LOC128462377: variants seen among roughly 807,000 people sequenced by gnomAD.
chr16:89,397,969 A>G, the LOC128462377 span, among the ~76,000 whole-genome samples: 6 of 152,396 alleles, frequency 3.9e-5, no homozygotes, highest in South Asian at 1.0e-3. Flanking sequence ...AATCGGTGCA[A>G]TATTCACCCA....
the LOC128462377 span, among the ~76,000 whole-genome samples, chr16:89,327,320 C>T: frequency 7.9e-5 from 12 of 152,078 alleles, no homozygotes; most frequent in African/African-American, 1.4e-4. Context: ...ATCCTCAACA[C>T]GATAAAGGCC....
the LOC128462377 span, among the ~76,000 whole-genome samples, chr16:89,394,535 G>T: frequency 2.0e-5 from 3 of 152,038 alleles, no homozygotes; most frequent in Non-Finnish European, 4.4e-5. Flanking sequence ...GGCTGAGGCA[G>T]GAGAATCGCT....
chr16:89,324,274 C>T, the LOC128462377 span: 2 of 1,243,804 alleles, frequency 1.6e-6, no homozygotes, highest in Non-Finnish European at 2.1e-6. Context: ...CATACAGGAG[C>T]CCCGTGCTCC....
chr16:89,335,800 G>A, the LOC128462377 span, among the ~76,000 whole-genome samples: 1 of 152,304 alleles, frequency 6.6e-6, no homozygotes, highest in East Asian at 1.9e-4. Context: ...TCACAAGCTT[G>A]TTTTACGGTT....
the LOC128462377 span, among the ~76,000 whole-genome samples, chr16:89,340,238 C>G: frequency 6.6e-6 from 1 of 152,198 alleles, no homozygotes. Flanking sequence ...AACATGTCAT[C>G]TTTCACTTTT....
chr16:89,337,873 T>C, the LOC128462377 span, among the ~76,000 whole-genome samples: 86 of 152,262 alleles, frequency 5.6e-4, 1 homozygote, highest in African/African-American at 1.7e-3. Flanking sequence ...AATGGTGTGG[T>C]CTTCAGTCTA....
At chr16:89,374,604 C>T in the LOC128462377 span, among the ~76,000 whole-genome samples, 6 of 152,238 alleles carry the variant, frequency 3.9e-5, no homozygotes, top group Non-Finnish European at 1.5e-5. Context: ...AGAGCAACCT[C>T]AGGAGAGCTG....
the LOC128462377 span, among the ~76,000 whole-genome samples, chr16:89,376,040 G>A: frequency 2.0e-5 from 3 of 152,302 alleles, no homozygotes; most frequent in East Asian, 1.9e-4. Context: ...CAGGACATCC[G>A]TGAAGCCATC....
chr16:89,396,254 G>A, the LOC128462377 span, among the ~76,000 whole-genome samples: 4 of 152,288 alleles, frequency 2.6e-5, no homozygotes, highest in African/African-American at 4.8e-5. Context: ...GTGGATCCAC[G>A]TCGGGAGATG....
chr16:89,363,831 G>A, the LOC128462377 span, among the ~76,000 whole-genome samples: 1 of 152,110 alleles, frequency 6.6e-6, no homozygotes, highest in Non-Finnish European at 1.5e-5. Flanking sequence ...GCGGCAAGGA[G>A]GACTGACTGA....
chr16:89,341,927 G>C, the LOC128462377 span, among the ~76,000 whole-genome samples: 1 of 146,296 alleles, frequency 6.8e-6, no homozygotes, highest in Non-Finnish European at 1.5e-5. Context: ...CCCACGGCGG[G>C]AGTGCTGCAC....
At chr16:89,330,977 G>C in the LOC128462377 span, among the ~76,000 whole-genome samples, 74 of 152,240 alleles carry the variant, frequency 4.9e-4, no homozygotes, top group African/African-American at 1.7e-3. Flanking sequence ...TTCTTGAGAC[G>C]GAGTCTCACT....
chr16:89,337,350 T>C, the LOC128462377 span, among the ~76,000 whole-genome samples: 12 of 151,138 alleles, frequency 7.9e-5, no homozygotes, highest in South Asian at 2.1e-4. Context: ...CTGGGTCTCA[T>C]TGGATTTGCC....
chr16:89,401,911 G>A, the LOC128462377 span, among the ~76,000 whole-genome samples: 13 of 149,522 alleles, frequency 8.7e-5, no homozygotes, highest in Non-Finnish European at 1.9e-4. Flanking sequence ...CCATCCCCCA[G>A]AACCTGGAGA....
the LOC128462377 span, among the ~76,000 whole-genome samples, chr16:89,382,335 ATT>A: frequency 0.021 from 3,179 of 151,246 alleles, 127 homozygotes; most frequent in African/African-American, 0.074. Context: ...ATATATATAT[ATT>A]TTTTTAAAGA....
chr16:89,404,255 A>G, the LOC128462377 span, among the ~76,000 whole-genome samples: 1,310 of 152,312 alleles, frequency 8.6e-3, 18 homozygotes, highest in African/African-American at 0.03. Flanking sequence ...CTAGTCTCCT[A>G]TCCACCCTCA....
the LOC128462377 span, among the ~76,000 whole-genome samples, chr16:89,408,165 T>C: frequency 1.3e-5 from 2 of 152,114 alleles, no homozygotes; most frequent in African/African-American, 4.8e-5. Context: ...AAGGCTGCAC[T>C]ATGTGGCAAG....
At chr16:89,416,791 AG>A in the LOC128462377 span, among the ~76,000 whole-genome samples, 1 of 151,968 alleles carries the variant, frequency 6.6e-6, no homozygotes, top group Non-Finnish European at 1.5e-5. Context: ...AATTAAAAAA[AG>A]AAAATGCAGC....
the LOC128462377 span, chr16:89,360,501 T>C: frequency 6.6e-5 from 10 of 152,196 alleles, no homozygotes; most frequent in Non-Finnish European, 1.3e-4. Flanking sequence ...ATTTAAAAGA[T>C]TAAAAAACCA....
Sources: gnomAD v4.1 joint callset for allele counts (sites outside exome capture counted in the v4.1 genomes callset) on GRCh38, gnomAD v4.1.1 for gene constraint, MANE v1.5 for transcripts.